Variants in RIC1 observed in about 807,000 individuals in gnomAD.
The protein encoded by RIC1 is RIC1 partner of RAB6A GEF complex.
In RIC1, 88 loss-of-function variants were observed where a neutral mutation model predicts 169.0. The observed-to-expected ratio is 0.52, with a 90% CI of 0.44 to 0.62. The LOEUF (loss-of-function observed/expected upper bound fraction) is 0.62, where lower values mean the gene tolerates loss of function less well. Among genes scored for constraint, RIC1 ranks in the 20% least tolerant of loss-of-function variants. The pLI is 0.00. For synonymous variants in RIC1, 790 were observed against 601.5 expected (o/e 1.31, Z -4.59); for missense variants, 1,877 against 1,725.5 (o/e 1.09, Z -1.56).
At chr9:5,722,348 A>AGAGAGAGT (rs374028302) in intron 6 of RIC1, among the ~76,000 whole-genome samples, 182 of 131,330 alleles carry the variant, frequency 1.4e-3, no homozygotes, top group African/African-American at 4.6e-3. Context: ...AGAGAGAGAG[A>AGAGAGAGT]GTGTGTGTGT....
At chr9:5,766,942 T>C (rs1286098234) in intron 21 of RIC1, among the ~76,000 whole-genome samples, 1 of 152,230 alleles carries the variant, frequency 6.6e-6, no homozygotes. Context: ...GCAGCTGTAC[T>C]AGTTTACATT....
chr9:5,676,494 A>G (rs1393314738), intron 2 of RIC1, among the ~76,000 whole-genome samples: 4 of 152,204 alleles, frequency 2.6e-5, no homozygotes. Context: ...TTATATTCCC[A>G]TCATACAGTT....
At position 5,758,871 on chromosome 9, in the gene RIC1, A is replaced by G. The variant is rs559805552; in HGVS notation, c.1992+1420A>G. On this transcript the variant is annotated intron_variant, in intron 17 of 25. Coordinates refer to ENST00000414202, the MANE Select transcript of RIC1 (RefSeq NM_020829.4). ...GCAATTCTCCCGCCTCAGCCTCCCA[A>G]CTAGCTGGGACTGCAGGTGCACGCC... Among the ~76,000 whole-genome samples the G allele has an allele frequency of 6.6e-5, 10 of 151,174 alleles. No individual in the cohort carries two copies. The South Asian group carries it at 1.9e-3, about 28-fold the overall frequency.
intron 3 of RIC1, among the ~76,000 whole-genome samples, chr9:5,708,687 T>C (rs1179339161): frequency 6.6e-6 from 1 of 152,078 alleles, no homozygotes; most frequent in Non-Finnish European, 1.5e-5. Context: ...ATTCTCTTCG[T>C]TTTTTTGACA....
chr9:5,722,186 C>A (rs180911577), intron 6 of RIC1, among the ~76,000 whole-genome samples: 2 of 151,696 alleles, frequency 1.3e-5, no homozygotes, highest in Non-Finnish European at 2.9e-5. Context: ...TGGTGCCCAG[C>A]CCATTTCATC....
intron 2 of RIC1, among the ~76,000 whole-genome samples, chr9:5,674,037 G>A (rs566683343): frequency 1.3e-5 from 2 of 152,240 alleles, no homozygotes; most frequent in Admixed American, 6.5e-5. Flanking sequence ...ACATTAGCAG[G>A]CATTTACAGT....
chr9:5,716,772 G>C (rs1165026019), intron 4 of RIC1, among the ~76,000 whole-genome samples: 1 of 152,148 alleles, frequency 6.6e-6, no homozygotes, highest in Admixed American at 6.5e-5. Context: ...TAGGTGACTT[G>C]GGGCAAGGTC....
chr9:5,672,219 A>G (rs1183313364), intron 2 of RIC1, among the ~76,000 whole-genome samples: 1 of 152,230 alleles, frequency 6.6e-6, no homozygotes, highest in Admixed American at 6.5e-5. Context: ...CCTAACCTCT[A>G]CAGGTGGCTA....
chr9:5,776,643 A>T (rs995143042), downstream of RIC1: 3 of 152,038 alleles, frequency 2.0e-5, no homozygotes, highest in Non-Finnish European at 4.4e-5. Flanking sequence ...TTTCCTTATG[A>T]AATGAAATTC....
rs532786938 is a variant in RIC1, at chr9:5,686,707, G to A, written c.253-3252G>A. On this transcript the variant is annotated intron_variant, in intron 2 of 25. Coordinates refer to ENST00000414202, the MANE Select transcript of RIC1 (RefSeq NM_020829.4). ...ACGAGTTAGTGGGTGCAGCGCACCAGTATGGCACATGTATACATATGTAAC... is the reference window on the plus strand; with the variant it reads ...ACGAGTTAGTGGGTGCAGCGCACCAATATGGCACATGTATACATATGTAAC... Among the ~76,000 whole-genome samples the A allele has an allele frequency of 4.6e-5, 7 of 152,102 alleles. No homozygotes were observed. In the South Asian group the frequency reaches 1.5e-3, roughly 32 times the overall value.
chr9:5,665,845 T>C (rs2760412), intron 2 of RIC1, among the ~76,000 whole-genome samples: 150,919 of 152,294 alleles, frequency 0.99, 74,781 homozygotes, highest in East Asian at 1. Flanking sequence ...TGACCTGTTG[T>C]TAGCTCAGAT....
chr9:5,722,060 G>C (rs1035974858), intron 6 of RIC1, among the ~76,000 whole-genome samples: 1 of 151,578 alleles, frequency 6.6e-6, no homozygotes, highest in African/African-American at 2.4e-5. Context: ...GCCTAATTTT[G>C]TGTCTTTAGT....
intron 2 of RIC1, among the ~76,000 whole-genome samples, chr9:5,684,927 G>C: frequency 6.6e-6 from 1 of 151,790 alleles, no homozygotes; most frequent in East Asian, 1.9e-4. Flanking sequence ...AGACTGTCAT[G>C]GTTTTCCTTT....
rs759483097 is a variant in RIC1 at position 5,745,920 on chromosome 9, T to A, written c.1096-11T>A. ...GCTCTGACTTTTTTTCTCCCTCCTC[T>A]TCTCTCTAAGAGCTGGGGTGCAGAA... On this transcript the variant is annotated splice_polypyrimidine_tract_variant and intron_variant, in intron 10 of 25. Coordinates refer to ENST00000414202, the MANE Select transcript of RIC1 (RefSeq NM_020829.4). 2.5e-6 allele frequency: 4 copies of A among 1,607,408 alleles called. No individual in the cohort carries two copies. The African/African-American group carries it at 5.3e-5, about 21-fold the overall frequency.
intron 3 of RIC1, among the ~76,000 whole-genome samples, chr9:5,702,546 G>T (rs1415451717): frequency 6.7e-6 from 1 of 150,346 alleles, no homozygotes; most frequent in South Asian, 2.1e-4. Flanking sequence ...GTTTTTGTTT[G>T]TTTGTTTGTT....
At chr9:5,735,158 G>T (rs567570545) in intron 7 of RIC1, among the ~76,000 whole-genome samples, 1 of 151,698 alleles carries the variant, frequency 6.6e-6, no homozygotes, top group African/African-American at 2.4e-5. Context: ...AGTCTGAGTC[G>T]ATTCTTTATA....
intron 1 of RIC1, among the ~76,000 whole-genome samples, chr9:5,637,860 G>A (rs1586859616): frequency 1.3e-5 from 2 of 152,184 alleles, no homozygotes; most frequent in South Asian, 2.1e-4. Context: ...CCATCCATCT[G>A]TTGATGGACA....
At chr9:5,696,146 G>A (rs1187447082) in intron 3 of RIC1, among the ~76,000 whole-genome samples, 3 of 151,706 alleles carry the variant, frequency 2.0e-5, no homozygotes, top group African/African-American at 7.3e-5. Flanking sequence ...TCTTTTTAGG[G>A]GCCCTCATGT....
At chr9:5,770,724 A>G (rs1224830591) in intron 23 of RIC1, among the ~76,000 whole-genome samples, 1 of 152,046 alleles carries the variant, frequency 6.6e-6, no homozygotes. Flanking sequence ...AAAATTGTGG[A>G]CATTTGCTTT....
Sources: allele counts gnomAD v4.1 joint callset (sites outside exome capture counted in the v4.1 genomes callset), GRCh38; gene constraint gnomAD v4.1.1; transcripts MANE v1.5; gene names NCBI Gene and HGNC (gene_info 2026-07-23, HGNC 2026-07-21).